Variants in SPATS2 observed in about 807,000 individuals in gnomAD.
SPATS2 encodes spermatogenesis-associated serine-rich protein 2.
A neutral mutation model predicts 63.7 loss-of-function variants in SPATS2; 38 were observed. That is an observed-to-expected ratio of 0.60 (90% CI 0.46 to 0.78). The LOEUF (loss-of-function observed/expected upper bound fraction) is 0.78. Ranked by LOEUF, SPATS2 falls within the 30% of genes least tolerant of loss-of-function variation. SPATS2 has a pLI of 0.00. For missense variants in SPATS2, 588 were observed against 666.2 expected (o/e 0.88, Z 1.29); for synonymous variants, 207 against 232.9 (o/e 0.89, Z 1.01).
rs1156850695 is a variant in SPATS2 at position 49,500,151 on chromosome 12, A to G, written c.785A>G (p.Glu262Gly). 2 of 1,611,858 alleles carry G rather than the reference A, an allele frequency of 1.2e-6. No individual in the cohort carries two copies. Among genetic ancestry groups the G allele is most frequent in the Non-Finnish European group, 1.7e-6 (2 of 1,179,154 alleles). Residue 262 changes from glutamate (E) to glycine (G), a missense_variant, in exon 9 of 14, where the codon GAG (glutamate) becomes GGG (glycine). Transcript: ENST00000552918. ...CGGTATCGAGTTGTAGTTAAAGAAGAGATGGATGCCTCCATTAAGAAAATG... is the reference window on the plus strand; with the variant it reads ...CGGTATCGAGTTGTAGTTAAAGAAGGGATGGATGCCTCCATTAAGAAAATG... ...LARYRVVVKE[E>G]MDASIKKMKQ...
At chr12:49,420,775 G>C (rs1223440191) in intron 2 of SPATS2, among the ~76,000 whole-genome samples, 1 of 152,080 alleles carries the variant, frequency 6.6e-6, no homozygotes, top group African/African-American at 2.4e-5. Context: ...ACACTTGGGA[G>C]GCCGAAGTGA....
chr12:49,499,012 C>G (rs371679553), intron 8 of SPATS2, among the ~76,000 whole-genome samples: 214 of 152,248 alleles, frequency 1.4e-3, no homozygotes, highest in African/African-American at 4.9e-3. Flanking sequence ...TCTTGAACTC[C>G]TGGCCTCAGG....
intron 2 of SPATS2, among the ~76,000 whole-genome samples, chr12:49,456,177 G>T (rs1033529487): frequency 1.3e-5 from 2 of 152,160 alleles, no homozygotes; most frequent in Non-Finnish European, 2.9e-5. Flanking sequence ...ACCTTTCCCA[G>T]TCACCTTGGG....
intron 8 of SPATS2, among the ~76,000 whole-genome samples, chr12:49,499,660 G>A (rs1361577654): frequency 6.6e-6 from 1 of 152,010 alleles, no homozygotes; most frequent in East Asian, 1.9e-4. Context: ...CTTCAATTCA[G>A]GGGGTCCACC....
At chr12:49,491,484 G>C (rs1204372475) in intron 6 of SPATS2, among the ~76,000 whole-genome samples, 2 of 152,118 alleles carry the variant, frequency 1.3e-5, no homozygotes, top group East Asian at 3.9e-4. Flanking sequence ...GGAGGCTGAG[G>C]TGGGAGGATC....
intron 9 of SPATS2, among the ~76,000 whole-genome samples, chr12:49,509,363 C>A (rs1232936294): frequency 6.8e-6 from 1 of 147,276 alleles, no homozygotes; most frequent in Non-Finnish European, 1.5e-5. Flanking sequence ...TCACTGCAAC[C>A]CCTGCCTCCT....
chr12:49,408,127 G>T (rs948146453), intron 2 of SPATS2, among the ~76,000 whole-genome samples: 2 of 152,242 alleles, frequency 1.3e-5, no homozygotes, highest in South Asian at 4.1e-4. Context: ...GATAATTTGG[G>T]AATATGTCAG....
intron 2 of SPATS2, among the ~76,000 whole-genome samples, chr12:49,455,155 T>C (rs1391362392): frequency 6.6e-6 from 1 of 152,166 alleles, no homozygotes; most frequent in Admixed American, 6.5e-5. Flanking sequence ...GTATCTATTA[T>C]CCTTCTGGTC....
chr12:49,430,103 T>TTG (rs1945157301), intron 2 of SPATS2, among the ~76,000 whole-genome samples: 1 of 144,492 alleles, frequency 6.9e-6, no homozygotes. Context: ...TTTCTTGTTT[T>TTG]TTTTTTTTTT....
chr12:49,505,182 A>T (rs1946636533), intron 9 of SPATS2, among the ~76,000 whole-genome samples: 1 of 152,028 alleles, frequency 6.6e-6, no homozygotes, highest in South Asian at 2.1e-4. Context: ...GAACCAAACT[A>T]CCTGCAAAAT....
At chr12:49,371,124 T>C (rs905215757) in intron 1 of SPATS2, 104 bp from the exon 2 acceptor site, 1 of 152,284 alleles carries the variant, frequency 6.6e-6, no homozygotes. Flanking sequence ...TTCACATTGC[T>C]GTGCAACCAT....
At chr12:49,391,010 AG>A (rs1944408773) in intron 2 of SPATS2, among the ~76,000 whole-genome samples, 1 of 152,326 alleles carries the variant, frequency 6.6e-6, no homozygotes, top group Admixed American at 6.5e-5. Flanking sequence ...ATGGCAAAAT[AG>A]GTATGGTAAT....
chr12:49,492,971 GC>G (rs1307676588), intron 6 of SPATS2, among the ~76,000 whole-genome samples: 41 of 151,994 alleles, frequency 2.7e-4, no homozygotes, highest in African/African-American at 9.2e-4. Context: ...GGTGGCACAT[GC>G]CTGTAATCCC....
rs748722366 is a variant in SPATS2, at chr12:49,469,542, TAAAAAAAAAAAAA to T, written c.25+8515_25+8527del. ...GTCACTGCACTATGGGCTGGGTCTC[TAAAAAAAAAAAAA>T]AAAAAAAAAGAAAAAACAAAGTAAA... is the stretch of plus-strand genomic sequence containing the variant. On this transcript the variant is annotated intron_variant, in intron 3 of 13. Transcript: ENST00000552918. 2.6e-4 allele frequency: 84 copies of T among 319,700 alleles called. 1 individual carries two copies. The highest frequency in any genetic ancestry group is 2.8e-4 in the Non-Finnish European group (47 of 170,458). The allele number at this position is 319,700 out of a possible 1,614,324, so 19.8% of individuals were successfully genotyped here.
At chr12:49,404,687 C>T (rs188324817) in intron 2 of SPATS2, among the ~76,000 whole-genome samples, 1 of 152,184 alleles carries the variant, frequency 6.6e-6, no homozygotes, top group Admixed American at 6.5e-5. Flanking sequence ...TGTCTTTGCC[C>T]CTCCAACTGC....
chr12:49,394,825 A>G (rs1435589670), intron 2 of SPATS2, among the ~76,000 whole-genome samples: 5 of 152,058 alleles, frequency 3.3e-5, no homozygotes, highest in Admixed American at 1.3e-4. Context: ...TAATCCCAGC[A>G]CTTTGGGAGG....
intron 3 of SPATS2, chr12:49,462,220 G>T: frequency 1.5e-6 from 1 of 686,748 alleles, no homozygotes. Context: ...TATTTCCCTG[G>T]CCCCTTTGCA....
At chr12:49,398,199 G>A (rs970214098) in intron 2 of SPATS2, among the ~76,000 whole-genome samples, 1 of 147,200 alleles carries the variant, frequency 6.8e-6, no homozygotes, top group Non-Finnish European at 1.5e-5. Flanking sequence ...CTGAATGAAT[G>A]AATGAATAAG....
At chr12:49,420,697 A>T (rs1944965130) in intron 2 of SPATS2, among the ~76,000 whole-genome samples, 1 of 152,216 alleles carries the variant, frequency 6.6e-6, no homozygotes, top group Non-Finnish European at 1.5e-5. Context: ...AATTCAAAGT[A>T]CCACACATAC....
Sources: allele counts gnomAD v4.1 joint callset (sites outside exome capture counted in the v4.1 genomes callset), GRCh38; gene constraint gnomAD v4.1.1; transcripts MANE v1.5; gene names NCBI Gene and HGNC (gene_info 2026-07-23, HGNC 2026-07-21).